The following DMKN variants were observed in gnomAD, a reference collection of about 807,000 sequenced individuals.
DMKN encodes dermokine, also known as epidermis-specific secreted protein SK30/SK89.
DMKN carries 58 observed loss-of-function variants against 67.6 expected under a neutral mutation model. The ratio of observed to expected loss-of-function variants is 0.86; its 90% CI spans 0.69 to 1.07. The LOEUF (loss-of-function observed/expected upper bound fraction) is 1.07, where lower values mean the gene tolerates loss of function less well. Ranked by LOEUF, DMKN falls within the 50% of genes least tolerant of loss-of-function variation. The pLI is 0.00. For synonymous variants in DMKN, 240 were observed against 232.3 expected (o/e 1.03, Z -0.30); for missense variants, 596 against 601.5 (o/e 0.99, Z 0.10).
At position 35,499,958 on chromosome 19, in the gene DMKN, C is replaced by T; in HGVS notation, c.1359G>A (p.Lys453=). Reference sequence around the variant, plus strand: ...AAGACAGGGTGGTTGCCGGTCTCACCTTTGCAGGGGTCTTGACTGAGTACT... The same window carrying T: ...AAGACAGGGTGGTTGCCGGTCTCACTTTTGCAGGGGTCTTGACTGAGTACT... ...GGKYSVKTPA[K]GGVSPSSSAS... is the part of the protein sequence containing the mutation. The change falls in exon 13 of 16, where the codon AAG becomes AAA. Residue 453 remains lysine (K), a splice_region_variant and synonymous_variant. Coordinates refer to ENST00000339686, the MANE Select transcript of DMKN (RefSeq NM_033317.5). 1 of 1,614,134 alleles carries T rather than the reference C, an allele frequency of 6.2e-7. No homozygotes were observed. The highest frequency in any genetic ancestry group is 8.5e-7 in the Non-Finnish European group (1 of 1,180,030).
intron 7 of DMKN, chr19:35,507,403 A>G (rs942968290): frequency 2.4e-5 from 36 of 1,492,240 alleles, no homozygotes; most frequent in Non-Finnish European, 3.0e-5. Flanking sequence ...CCAGGATCTT[A>G]GCATGCTTCA....
At chr19:35,510,564 G>T in intron 5 of DMKN, 2 of 1,524,102 alleles carry the variant, frequency 1.3e-6, no homozygotes, top group Middle Eastern at 2.3e-4. Context: ...CCACCAGGGG[G>T]CAGCAAGTGG....
intron 7 of DMKN, 59 bp downstream of exon 7, chr19:35,509,852 G>A (rs2070380415): frequency 3.8e-6 from 6 of 1,590,126 alleles, no homozygotes; most frequent in Non-Finnish European, 5.2e-6. Context: ...AGGAGGAGTG[G>A]GCACAGTCCT....
intron 12 of DMKN, 120 bp from the exon 13 acceptor site, chr19:35,500,149 C>T: frequency 1.6e-6 from 2 of 1,240,968 alleles, no homozygotes; most frequent in African/African-American, 3.0e-5. Context: ...CTGCTCCCCT[C>T]CTTGTGTCAC....
intron 5 of DMKN, chr19:35,510,619 G>T: frequency 7.0e-7 from 1 of 1,423,282 alleles, no homozygotes; most frequent in Non-Finnish European, 9.3e-7. Flanking sequence ...TAGCTGCCTT[G>T]GTCACCATTC....
At chr19:35,510,518 C>A (rs2070567602) in intron 5 of DMKN, 2 of 1,543,536 alleles carry the variant, frequency 1.3e-6, no homozygotes, top group Admixed American at 3.9e-5. Context: ...GGGGTGGGAA[C>A]CCCTGGAGCC....
At position 35,513,460 on chromosome 19, in the gene DMKN, G is replaced by A. The variant is rs745684678; in HGVS notation, c.16C>T (p.Pro6Ser). ...AGGGCCAGCAGGAGGCAGGCCAGGG[G>A]CCCCTGGAACTTCATCTCTGCCCAG... is the stretch of plus-strand genomic sequence containing the variant. Reference protein sequence around the residue: MKFQGPLACLLLALCL... With the variant: MKFQGSLACLLLALCL... The change falls in exon 1 of 16, where the codon CCC becomes TCC. Residue 6 changes from proline to serine, a missense_variant. Transcript: ENST00000339686. The A allele has an allele frequency of 1.3e-6, 2 of 1,598,250 alleles. No homozygotes were observed. The highest frequency in any genetic ancestry group is 1.7e-5 in the Admixed American group (1 of 59,704).
At position 35,511,452 on chromosome 19, in the gene DMKN, T is replaced by A. The variant is rs768239920; in HGVS notation, c.877A>T (p.Ser293Cys). The change falls in exon 5 of 16, where the codon AGT becomes TGT. Residue 293 changes from serine (S) to cysteine (C), a missense_variant. Transcript: ENST00000339686. ...CCGCTGTCACCTCTGCTGCCACCAC[T>A]GTTGCCACTGCTGCCACCACTGCTG... Reference protein sequence around the residue: ...GGSSGGSSGNSGGSRGDSGSE... With the variant: ...GGSSGGSSGNCGGSRGDSGSE... The A allele has an allele frequency of 6.3e-7, 1 of 1,586,748 alleles. No homozygotes were observed. Among genetic ancestry groups the A allele is most frequent in the South Asian group, 1.1e-5 (1 of 89,422 alleles).
At chr19:35,508,048 TG>T in intron 7 of DMKN, 1 of 935,072 alleles carries the variant, frequency 1.1e-6, no homozygotes, top group Non-Finnish European at 1.6e-6. Flanking sequence ...CTGTGAAACA[TG>T]GCCAGACCCA....
rs2069317745 is a variant in DMKN at position 35,505,627 on chromosome 19, A to G, written c.1134+91T>C. On this transcript the variant is annotated intron_variant, in intron 9 of 15. Transcript: ENST00000339686. The stretch of plus-strand genomic sequence containing the variant: ...TTAGCACTGGCCTAAATGCTTCCTC[A>G]GTGGCCAGCATCACTGTTTCCCCAG... The G allele has an allele frequency of 1.6e-5, 25 of 1,550,992 alleles. No homozygotes were observed. The South Asian group carries it at 2.6e-4, about 16-fold the overall frequency.
intron 10 of DMKN, among the ~76,000 whole-genome samples, chr19:35,502,432 G>A (rs1035082985): frequency 6.6e-6 from 1 of 152,148 alleles, no homozygotes; most frequent in African/African-American, 2.4e-5. Flanking sequence ...GGGCGCGGTG[G>A]CTCACGCCTG....
intron 13 of DMKN, 77 bp downstream of exon 13, chr19:35,499,881 C>A (rs779460834): frequency 2.6e-4 from 395 of 1,530,192 alleles, no homozygotes; most frequent in Admixed American, 6.2e-4. Context: ...ACCGAGAGGA[C>A]CCCGGCAGTG....
At chr19:35,512,297 C>G (rs1447794648) in intron 3 of DMKN, 124 bp downstream of exon 3, 1 of 1,338,522 alleles carries the variant, frequency 7.5e-7, no homozygotes, top group Non-Finnish European at 1.0e-6. Flanking sequence ...CTCGCCCAGC[C>G]CCATCTCTTC....
At position 35,506,098 on chromosome 19, in the gene DMKN, C is replaced by T. The variant is rs1192015611; in HGVS notation, c.1039-112G>A. On this transcript the variant is annotated intron_variant, in intron 7 of 15. Coordinates refer to ENST00000339686, the MANE Select transcript of DMKN (RefSeq NM_033317.5). ...GGATTGTGTGACACCATGGTCCCAGCCCAAGGTGGAGTGTTGCCTCCACTC... is the reference window on the plus strand; with the variant it reads ...GGATTGTGTGACACCATGGTCCCAGTCCAAGGTGGAGTGTTGCCTCCACTC... The T allele has an allele frequency of 1.1e-5, 18 of 1,599,760 alleles. No individual in the cohort carries two copies. In the East Asian group the frequency reaches 1.8e-4, roughly 16 times the overall value.
intron 11 of DMKN, 64 bp from the exon 12 acceptor site, chr19:35,500,644 G>C: frequency 6.5e-7 from 1 of 1,540,134 alleles, no homozygotes; most frequent in Non-Finnish European, 8.8e-7. Flanking sequence ...CGGGCTTTCA[G>C]AGCCCCAGTT....
At chr19:35,498,836 T>C (rs545562159) in intron 14 of DMKN, 38 bp downstream of exon 14, 3 of 1,614,052 alleles carry the variant, frequency 1.9e-6, no homozygotes, top group African/African-American at 2.7e-5. Context: ...AGGCCCCTTC[T>C]CTCTCCAGCC....
At chr19:35,504,868 C>T (rs559933253) in intron 9 of DMKN, among the ~76,000 whole-genome samples, 214 of 152,072 alleles carry the variant, frequency 1.4e-3, no homozygotes, top group African/African-American at 4.9e-3. Flanking sequence ...CAACACCCCC[C>T]ACCTGGGCCA....
In DMKN at chr19:35,511,487, C is replaced by CACCAT. The variant is rs2070775198; in HGVS notation, c.841_842insATGGT (p.Ser281AsnfsTer98). 4 of 1,087,396 alleles carry CACCAT rather than the reference C, an allele frequency of 3.7e-6. No homozygotes were observed. In the African/African-American group the frequency reaches 7.0e-5, roughly 19 times the overall value. The allele number at this position is 1,087,396 out of a possible 1,614,324, so 67.4% of individuals were successfully genotyped here. ...GCTGCCACCACTGCTGCCGCCACTG[C>CACCAT]TGCCGCCACTGCTGCTGCCACTGCT... On this transcript the variant is annotated frameshift_variant, in exon 5 of 16. Transcript: ENST00000339686. LOFTEE classifies it high-confidence loss of function.
chr19:35,512,988 A>G (rs1024810665), intron 1 of DMKN, 62 bp downstream of exon 1: 2 of 1,595,068 alleles, frequency 1.3e-6, no homozygotes, highest in Admixed American at 1.7e-5. Flanking sequence ...ACCGTTTCCC[A>G]AGAATCTCAG....
Sources: gnomAD v4.1 joint callset for allele counts (sites outside exome capture counted in the v4.1 genomes callset) on GRCh38, gnomAD v4.1.1 for gene constraint, MANE v1.5 for transcripts, NCBI Gene and HGNC (gene_info 2026-07-23, HGNC 2026-07-21) for gene names.